ROBO1: variants seen among roughly 807,000 people sequenced by gnomAD.
ROBO1 encodes the protein roundabout homolog 1.
Under a neutral mutation model 195.9 loss-of-function variants are expected in ROBO1, and 149 were observed. The ratio of observed to expected loss-of-function variants is 0.76; its 90% CI spans 0.67 to 0.87. The LOEUF is 0.87. Ranked by LOEUF, ROBO1 falls within the 40% of genes least tolerant of loss-of-function variation. The pLI, the probability that ROBO1 is intolerant of heterozygous loss-of-function variation, is 0.00. For synonymous variants in ROBO1, 816 were observed against 733.2 expected, an observed-to-expected ratio of 1.11 and a Z score of -1.82; for missense variants, 1,933 against 2,068.3, an observed-to-expected ratio of 0.93 and a Z score of 1.27.
intron 4 of ROBO1, among the ~76,000 whole-genome samples, chr3:78,788,776 GAC>G (rs1372927670): frequency 2.7e-4 from 41 of 151,800 alleles, no homozygotes; most frequent in Admixed American, 2.6e-3. Context: ...TGGCAAAACT[GAC>G]ACAGCTAAAA....
chr3:79,235,471 T>G (rs1297024868), intron 2 of ROBO1, among the ~76,000 whole-genome samples: 1 of 152,122 alleles, frequency 6.6e-6, no homozygotes, highest in African/African-American at 2.4e-5. Flanking sequence ...CCACTTCAAC[T>G]TTTGACTTGG....
intron 1 of ROBO1, among the ~76,000 whole-genome samples, chr3:79,620,512 T>C (rs1410650882): frequency 7.5e-6 from 1 of 132,846 alleles, no homozygotes; most frequent in Non-Finnish European, 1.7e-5. Flanking sequence ...TGGTGCCAAC[T>C]TGGACAACAT....
At chr3:79,465,168 C>G (rs756441259) in intron 2 of ROBO1, among the ~76,000 whole-genome samples, 214 of 152,200 alleles carry the variant, frequency 1.4e-3, no homozygotes, top group Non-Finnish European at 2.0e-3. Context: ...TATGCACTTA[C>G]TATGAAAATA....
rs143391579 is a variant in ROBO1 at position 79,251,584 on chromosome 3, C to G, written c.89-126045G>C. Among the ~76,000 whole-genome samples, 869 of 152,202 alleles carry G rather than the reference C, an allele frequency of 5.7e-3. 6 individuals carry two copies. Among genetic ancestry groups the G allele is most frequent in the Non-Finnish European group, 9.2e-3 (625 of 68,008 alleles). The stretch of plus-strand genomic sequence containing the variant: ...TGGCTAACACAGTGAAACCCCATCT[C>G]TACTAAAAATACAAAAATTAGCTGG... On this transcript the variant is annotated intron_variant, in intron 2 of 30. Transcript: ENST00000464233.
intron 17 of ROBO1, among the ~76,000 whole-genome samples, chr3:78,658,829 A>AT (rs906752993): frequency 3.3e-5 from 5 of 152,272 alleles, no homozygotes; most frequent in African/African-American, 1.2e-4. Flanking sequence ...CTCTTTTGTG[A>AT]TTTTTTTAAA....
chr3:78,605,172 G>C (rs538627312), intron 29 of ROBO1, among the ~76,000 whole-genome samples: 1 of 152,128 alleles, frequency 6.6e-6, no homozygotes, highest in Non-Finnish European at 1.5e-5. Context: ...CACCACTGTG[G>C]TATTTTATAT....
intron 3 of ROBO1, among the ~76,000 whole-genome samples, chr3:79,119,986 G>T (rs1280458158): frequency 6.6e-6 from 1 of 152,032 alleles, no homozygotes; most frequent in East Asian, 1.9e-4. Flanking sequence ...TGGCCAGGCT[G>T]GTCTCAAACT....
intron 2 of ROBO1, among the ~76,000 whole-genome samples, chr3:79,418,417 T>C (rs2038094581): frequency 6.6e-6 from 1 of 152,150 alleles, no homozygotes; most frequent in Non-Finnish European, 1.5e-5. Context: ...CTGAAAATAA[T>C]TTTGTAAAAA....
intron 2 of ROBO1, among the ~76,000 whole-genome samples, chr3:79,280,308 TTA>T (rs1197609159): frequency 6.6e-6 from 1 of 152,178 alleles, no homozygotes; most frequent in Non-Finnish European, 1.5e-5. Flanking sequence ...TCACTATACA[TTA>T]TATGTTTTGA....
At chr3:79,135,909 T>C (rs576629085) in intron 2 of ROBO1, among the ~76,000 whole-genome samples, 2 of 152,212 alleles carry the variant, frequency 1.3e-5, no homozygotes, top group South Asian at 4.1e-4. Context: ...AGTGCTGGGA[T>C]TTACAGGCGT....
chr3:78,882,223 G>C (rs115519261), intron 4 of ROBO1, among the ~76,000 whole-genome samples: 1 of 152,134 alleles, frequency 6.6e-6, no homozygotes, highest in South Asian at 2.1e-4. Flanking sequence ...ATAGAGTCTA[G>C]TATGAATGCT....
At chr3:79,007,378 G>A (rs1030151743) in intron 3 of ROBO1, among the ~76,000 whole-genome samples, 10 of 152,118 alleles carry the variant, frequency 6.6e-5, no homozygotes, top group Admixed American at 3.9e-4. Context: ...AATAAAGACC[G>A]TGCTCAGGGT....
chr3:79,399,885 T>C lies in ROBO1; in HGVS notation c.88+189939A>G, dbSNP rs555050861. ...ATTCTTAAAATTGTGATAGAATTTT[T>C]ATAGGTGTTTTCCAAACATGATCCA... On this transcript the variant is annotated intron_variant, in intron 2 of 30. Transcript: ENST00000464233. Among the ~76,000 whole-genome samples, 22 of 152,282 alleles carry C rather than the reference T, an allele frequency of 1.4e-4. 1 individual carries two copies. In the South Asian group the frequency reaches 4.6e-3, roughly 32 times the overall value.
At position 78,714,484 on chromosome 3, in the gene ROBO1, C is replaced by T. The variant is rs1284915324; in HGVS notation, c.958G>A (p.Val320Met). ...RDDHTLKIRK[V>M]TAGDMGSYTC... is the part of the protein sequence containing the mutation. ...TATGAACCCATGTCACCAGCTGTCACCTTCCTAATTTTCAAGGTATGATCA... is the reference window on the plus strand; with the variant it reads ...TATGAACCCATGTCACCAGCTGTCATCTTCCTAATTTTCAAGGTATGATCA... Residue 320 changes from valine (V) to methionine (M), a missense_variant, in exon 8 of 31, where the codon GTG becomes ATG. Coordinates refer to ENST00000464233, the MANE Select transcript of ROBO1 (RefSeq NM_002941.4). The T allele has an allele frequency of 6.2e-7, 1 of 1,612,526 alleles. No individual in the cohort carries two copies. Among genetic ancestry groups the T allele is most frequent in the Admixed American group, 1.7e-5 (1 of 59,816 alleles).
At chr3:78,633,886 G>A in intron 24 of ROBO1, 49 bp downstream of exon 24, 2 of 1,273,900 alleles carry the variant, frequency 1.6e-6, no homozygotes, top group Non-Finnish European at 2.3e-6. Flanking sequence ...TGTAATCTTG[G>A]AAAGTACCAG....
At chr3:79,462,171 AC>A (rs1375234788) in intron 2 of ROBO1, among the ~76,000 whole-genome samples, 1 of 152,052 alleles carries the variant, frequency 6.6e-6, no homozygotes, top group East Asian at 1.9e-4. Context: ...CAAGATGAGA[AC>A]CCTCATTCAC....
chr3:79,068,812 A>G (rs963674050), intron 3 of ROBO1, among the ~76,000 whole-genome samples: 6 of 151,802 alleles, frequency 4.0e-5, no homozygotes, highest in African/African-American at 1.2e-4. Context: ...GAAATGACCA[A>G]TTTCCCTACT....
Position 79,305,840 on chromosome 3 carries a change from T to C in ROBO1, c.89-180301A>G, listed in dbSNP as rs577659383. On this transcript the variant is annotated intron_variant, in intron 2 of 30. Transcript: ENST00000464233. ...CTTGTGGAAAGAACATTGTTCACTA[T>C]TGGAGTATAAGAAACAGAAATAATT... is the stretch of plus-strand genomic sequence containing the variant. Among the ~76,000 whole-genome samples the C allele has an allele frequency of 5.9e-5, 9 of 152,226 alleles. No individual in the cohort carries two copies. The South Asian group carries it at 1.9e-3, about 32-fold the overall frequency.
At chr3:78,813,406 A>G (rs2084803793) in intron 4 of ROBO1, among the ~76,000 whole-genome samples, 1 of 152,098 alleles carries the variant, frequency 6.6e-6, no homozygotes, top group South Asian at 2.1e-4. Flanking sequence ...TTTACAAGGG[A>G]TAAATACATG....
Sources: gnomAD v4.1 joint callset for allele counts (sites outside exome capture counted in the v4.1 genomes callset) on GRCh38, gnomAD v4.1.1 for gene constraint, MANE v1.5 for transcripts, NCBI Gene and HGNC (gene_info 2026-07-23, HGNC 2026-07-21) for gene names.